UPK1A: variants seen among roughly 807,000 people sequenced by gnomAD.
UPK1A encodes uroplakin 1A.
In UPK1A, 31 loss-of-function variants were observed where a neutral mutation model predicts 32.3. That is an observed-to-expected ratio of 0.96 (90% CI 0.72 to 1.30). The LOEUF (loss-of-function observed/expected upper bound fraction) is 1.30, where lower values mean the gene tolerates loss of function less well. UPK1A is among the 50% of genes most tolerant of loss of function. UPK1A has a pLI of 0.00. For synonymous variants in UPK1A, 135 were observed against 137.1 expected (o/e 0.98, Z 0.11); for missense variants, 340 against 357.4 (o/e 0.95, Z 0.39).
At chr19:35,674,241 C>CTTTTT (rs35857173) in intron 5 of UPK1A, among the ~76,000 whole-genome samples, 17 of 98,982 alleles carry the variant, frequency 1.7e-4, no homozygotes, top group South Asian at 7.3e-4. Flanking sequence ...TTCTTTTTAT[C>CTTTTT]TTTTTTTTTT....
chr19:35,669,804 G>A (rs1215114423), intron 3 of UPK1A, among the ~76,000 whole-genome samples: 6 of 152,208 alleles, frequency 3.9e-5, no homozygotes, highest in South Asian at 2.1e-4. Context: ...GACCAGGAGA[G>A]CAGGGATTCC....
At chr19:35,671,639 T>G (rs961035154) in intron 3 of UPK1A, among the ~76,000 whole-genome samples, 2 of 149,966 alleles carry the variant, frequency 1.3e-5, no homozygotes, top group Non-Finnish European at 3.0e-5. Flanking sequence ...TTTTTTTGTA[T>G]TTTTAGTAGA....
chr19:35,666,936 G>A, intron 2 of UPK1A, 40 bp downstream of exon 2: 2 of 1,606,800 alleles, frequency 1.2e-6, no homozygotes, highest in Non-Finnish European at 1.7e-6. Context: ...GTGGTTGTGT[G>A]GTGGGGAGGG....
At chr19:35,667,499 AT>A (rs71857838) in intron 2 of UPK1A, among the ~76,000 whole-genome samples, 22,443 of 143,150 alleles carry the variant, frequency 0.16, 2,119 homozygotes, top group African/African-American at 0.27. Context: ...CGCCCGGCTA[AT>A]TTTTTTTTTT....
chr19:35,677,744 A>G (rs73602806), intron 6 of UPK1A, 68 bp from the exon 7 acceptor site: 165,778 of 1,586,336 alleles, frequency 0.1, 9,531 homozygotes, highest in East Asian at 0.2. Context: ...AAGGGCGCAC[A>G]GTGACTCTCG....
intron 5 of UPK1A, among the ~76,000 whole-genome samples, chr19:35,674,391 C>T (rs1027880130): frequency 3.2e-4 from 48 of 151,864 alleles, no homozygotes; most frequent in African/African-American, 1.1e-3. Context: ...GGACTACAGG[C>T]GCCTGCCACC....
intron 3 of UPK1A, 176 bp downstream of exon 3, chr19:35,668,830 G>A: frequency 1.4e-6 from 1 of 711,212 alleles, no homozygotes; most frequent in Non-Finnish European, 2.2e-6. Flanking sequence ...GGCTTGAGTA[G>A]CAGAGCTGGG....
intron 3 of UPK1A, among the ~76,000 whole-genome samples, chr19:35,671,648 G>C (rs972247468): frequency 8.0e-5 from 12 of 149,902 alleles, no homozygotes; most frequent in African/African-American, 2.7e-4. Context: ...ATTTTTAGTA[G>C]AGATGGGGTT....
At chr19:35,673,327 G>A in intron 4 of UPK1A, 21 bp downstream of exon 4, 1 of 1,613,868 alleles carries the variant, frequency 6.2e-7, no homozygotes, top group South Asian at 1.1e-5. Context: ...CGAGGCCTGG[G>A]GAGGGGCCTG....
Position 35,673,417 on chromosome 19 carries a change from GTTC to G in UPK1A, c.361-17_361-15del, listed in dbSNP as rs1331197577. 1.2e-6 allele frequency: 2 copies of G among 1,613,142 alleles called. No homozygotes were observed. Among genetic ancestry groups the G allele is most frequent in the Admixed American group, 1.7e-5 (1 of 59,982 alleles). On this transcript the variant is annotated intron_variant, in intron 4 of 7. Coordinates refer to ENST00000617999, the Ensembl canonical transcript of UPK1A. ...TCCCCACCCAGCCCTGCCGGCCCTTGTTCTTCCCTGTTCTCCTCAGATGGTGTC... is the reference window on the plus strand; with the variant it reads ...TCCCCACCCAGCCCTGCCGGCCCTTGTTCCCTGTTCTCCTCAGATGGTGTC...
At chr19:35,669,954 C>T (rs925572874) in intron 3 of UPK1A, among the ~76,000 whole-genome samples, 5 of 152,180 alleles carry the variant, frequency 3.3e-5, no homozygotes, top group African/African-American at 1.2e-4. Flanking sequence ...ACGCTGGGCA[C>T]TGGGGCTCTG....
chr19:35,673,551 C>T lies in UPK1A; in HGVS notation c.468+6C>T, dbSNP rs372087749. 803 of 1,612,070 alleles carry T rather than the reference C, an allele frequency of 5.0e-4. 17 individuals carry two copies. The South Asian group carries it at 8.4e-3, about 17-fold the overall frequency. ...GGGACCGCGTCATGATTGAGGTGGG[C>T]GGGGTGGACCGGGTGCTGGGAGGGC... is the stretch of plus-strand genomic sequence containing the variant. On this transcript the variant is annotated splice_donor_region_variant and intron_variant, in intron 5 of 7. Transcript: ENST00000617999.
intron 3 of UPK1A, among the ~76,000 whole-genome samples, 172 bp from the exon 4 acceptor site, chr19:35,673,060 A>G (rs1028868045): frequency 1.3e-5 from 2 of 152,222 alleles, no homozygotes; most frequent in Non-Finnish European, 2.9e-5. Flanking sequence ...AAAATACAGA[A>G]AAGTTGGAAG....
intron 6 of UPK1A, 179 bp downstream of exon 6, chr19:35,676,198 T>TCTTTCTTTCTTTCTTCC: frequency 1.2e-6 from 1 of 817,362 alleles, no homozygotes; most frequent in Non-Finnish European, 1.9e-6. Flanking sequence ...TTTCTTTCTT[T>TCTTTCTTTCTTTCTTCC]TTTTTTTTTC....
chr19:35,673,786 G>A (rs1968140414), intron 5 of UPK1A, among the ~76,000 whole-genome samples: 1 of 152,136 alleles, frequency 6.6e-6, no homozygotes, highest in South Asian at 2.1e-4. Context: ...ATTGGAACCC[G>A]GCAGCCTAGC....
At chr19:35,673,298 C>G in exon 4 of UPK1A, 1 of 1,614,078 alleles carries the variant, frequency 6.2e-7, no homozygotes, top group Non-Finnish European at 8.5e-7. Context: ...CTACACCCAC[C>G]GTGACTACGT....
chr19:35,677,763 G>A lies in UPK1A; in HGVS notation c.649-49G>A, dbSNP rs766838807. On this transcript the variant is annotated intron_variant, in intron 6 of 7. Transcript: ENST00000617999. ...GCGCACAGTGACTCTCGCTTTCAGC[G>A]GCTACCCTCATGGGCGTCTTCTCAA... 17 of 1,607,546 alleles carry A rather than the reference G, an allele frequency of 1.1e-5. No individual in the cohort carries two copies. The South Asian group carries it at 1.4e-4, about 14-fold the overall frequency.
intron 6 of UPK1A, among the ~76,000 whole-genome samples, chr19:35,677,371 C>G (rs1968197333): frequency 6.7e-6 from 1 of 150,080 alleles, no homozygotes; most frequent in Non-Finnish European, 1.5e-5. Context: ...ACTAAAAATA[C>G]AAAAATTAGC....
chr19:35,668,254 G>A (rs1968029263), intron 2 of UPK1A, 200 bp from the exon 3 acceptor site: 4 of 644,678 alleles, frequency 6.2e-6, no homozygotes, highest in Admixed American at 5.3e-5. Flanking sequence ...TGGGGCGTGG[G>A]GGTCGGTTGT....
Sources: allele counts gnomAD v4.1 joint callset (sites outside exome capture counted in the v4.1 genomes callset), GRCh38; gene constraint gnomAD v4.1.1; transcripts MANE v1.5; gene names NCBI Gene and HGNC (gene_info 2026-07-23, HGNC 2026-07-21).